SATB1: variants seen among roughly 807,000 people sequenced by gnomAD.
SATB1 encodes the protein DNA-binding protein SATB1.
In SATB1, 11 loss-of-function variants were observed where a neutral mutation model predicts 86.9. The observed-to-expected ratio is 0.13, with a 90% CI of 0.08 to 0.21. The LOEUF (loss-of-function observed/expected upper bound fraction) is 0.21, where lower values mean the gene tolerates loss of function less well. SATB1 is among the 10% of genes least tolerant of loss of function. The probability of loss-of-function intolerance (pLI) is 1.00; values close to 1 mark genes in which losing one functional copy is unlikely to be tolerated. For synonymous variants in SATB1, 357 were observed against 357.2 expected (o/e 1.00, Z 0.01); for missense variants, 551 against 937.6 (o/e 0.59, Z 5.39).
At chr3:18,362,873 A>ACAAAC (rs1694981125) in intron 9 of SATB1, among the ~76,000 whole-genome samples, 1 of 147,074 alleles carries the variant, frequency 6.8e-6, no homozygotes, top group African/African-American at 2.5e-5. Context: ...AAAAAAAAAA[A>ACAAAC]AAAAAAAACC....
Position 18,397,228 on chromosome 3 carries a change from T to C in SATB1, c.702A>G (p.Gln234=), listed in dbSNP as rs753463860. ...YYANVSAAKC[Q]EFGRWYKHFK... ...AATGTTTGTACCACCTTCCAAATTC[T>C]TGACATTTTGCTGCTGAGACATTTG... Residue 234 remains glutamine, a synonymous_variant, in exon 6 of 11, where the codon CAA becomes CAG. Transcript: ENST00000338745. 6.2e-7 allele frequency: 1 copy of C among 1,613,142 alleles called. No individual in the cohort carries two copies. The highest frequency in any genetic ancestry group is 1.1e-5 in the South Asian group (1 of 91,062).
intron 2 of SATB1, among the ~76,000 whole-genome samples, chr3:18,418,315 C>T (rs917654788): frequency 6.6e-6 from 1 of 152,114 alleles, no homozygotes; most frequent in Admixed American, 6.6e-5. Context: ...TTCAAAGATT[C>T]TCTATTTGCT....
intron 7 of SATB1, among the ~76,000 whole-genome samples, chr3:18,391,082 T>C (rs544097636): frequency 6.6e-6 from 1 of 152,118 alleles, no homozygotes; most frequent in South Asian, 2.1e-4. Flanking sequence ...CAAGTAACTA[T>C]ATAAGTTTAC....
At chr3:18,364,894 G>A (rs1453322161) in intron 9 of SATB1, among the ~76,000 whole-genome samples, 1 of 151,690 alleles carries the variant, frequency 6.6e-6, no homozygotes, top group Non-Finnish European at 1.5e-5. Flanking sequence ...ATGGGTTAGA[G>A]AAAAACAGTC....
chr3:18,413,533 T>C (rs1477686731), intron 5 of SATB1, among the ~76,000 whole-genome samples: 1 of 152,126 alleles, frequency 6.6e-6, no homozygotes, highest in South Asian at 2.1e-4. Context: ...TTAGCAACCA[T>C]GTAACATGTT....
chr3:18,395,263 T>C (rs953695667), intron 6 of SATB1, among the ~76,000 whole-genome samples: 3 of 152,214 alleles, frequency 2.0e-5, no homozygotes, highest in South Asian at 4.1e-4. Flanking sequence ...AAATGGCTTC[T>C]AAAAGAATGT....
At position 18,443,784 on chromosome 3, in the gene SATB1, C is replaced by T. The variant is rs1228886931; in HGVS notation, c.-25+1734G>A. Among the ~76,000 whole-genome samples, 4 of 152,150 alleles carry T rather than the reference C, an allele frequency of 2.6e-5. No individual in the cohort carries two copies. Among genetic ancestry groups the T allele is most frequent in the Admixed American group, 6.5e-5 (1 of 15,280 alleles). On this transcript the variant is annotated intron_variant, in intron 1 of 3. Transcript: ENST00000415069. This position sits in a 1 kb window ranked among gnomAD's most constrained non-coding sequence, Gnocchi z 4.4. ...GGGTCTGGACAGCAGGAGGGAAACA[C>T]GGTGTGGACTGCGAGGCTGCACCTG...
intron 9 of SATB1, among the ~76,000 whole-genome samples, chr3:18,361,767 AG>A (rs1367114268): frequency 6.6e-6 from 1 of 152,212 alleles, no homozygotes; most frequent in Non-Finnish European, 1.5e-5. Context: ...TATTTGTACT[AG>A]CAAAAGTTGA....
intron 9 of SATB1, among the ~76,000 whole-genome samples, chr3:18,368,730 T>C (rs770780235): frequency 5.9e-5 from 9 of 151,448 alleles, no homozygotes; most frequent in South Asian, 2.1e-4. Context: ...AGAAAAAGAG[T>C]GTATTTTATT....
At chr3:18,387,554 C>G (rs756957765) in intron 7 of SATB1, among the ~76,000 whole-genome samples, 1 of 152,096 alleles carries the variant, frequency 6.6e-6, no homozygotes, top group African/African-American at 2.4e-5. Flanking sequence ...TGGTTCTCCC[C>G]ATTGCATTTA....
chr3:18,410,782 T>A (rs183350882), intron 5 of SATB1: 1 of 314,516 alleles, frequency 3.2e-6, no homozygotes, highest in Non-Finnish European at 5.7e-6. Context: ...AAGAAACATG[T>A]CATTCCAGTC....
intron 1 of SATB1, among the ~76,000 whole-genome samples, chr3:18,422,228 A>C (rs1027485355): frequency 6.6e-6 from 1 of 152,184 alleles, no homozygotes; most frequent in Non-Finnish European, 1.5e-5. Flanking sequence ...TTTTTGTTGT[A>C]AATTCTTACA....
upstream of SATB1, among the ~76,000 whole-genome samples, chr3:18,428,826 T>C (rs1221371267): frequency 6.6e-6 from 1 of 152,208 alleles, no homozygotes; most frequent in Non-Finnish European, 1.5e-5. Context: ...AAGATAAATA[T>C]GCAGGCAGAT....
At chr3:18,369,860 G>A (rs576191731) in intron 9 of SATB1, among the ~76,000 whole-genome samples, 1 of 152,170 alleles carries the variant, frequency 6.6e-6, no homozygotes, top group Non-Finnish European at 1.5e-5. Context: ...ATGCAGAATG[G>A]TAATTATGAC....
chr3:18,347,884 G>A lies in SATB1; in HGVS notation c.*1286C>T, dbSNP rs942999459. 3.3e-5 allele frequency: 5 copies of A among 152,288 alleles called. No homozygotes were observed. Among genetic ancestry groups the A allele is most frequent in the African/African-American group, 1.2e-4 (5 of 41,412 alleles). The allele number at this position is 152,288 out of a possible 1,614,324, so 9.4% of individuals were successfully genotyped here. On this transcript the variant is annotated 3_prime_UTR_variant, in exon 11 of 11. Transcript: ENST00000338745. ...GTTATTAACATGCACCTAAATGAGAGGGCCATCCTTTGACTCCTTTAGTTA... is the reference window on the plus strand; with the variant it reads ...GTTATTAACATGCACCTAAATGAGAAGGCCATCCTTTGACTCCTTTAGTTA...
intron 1 of SATB1, chr3:18,445,280 C>G (rs1699361945): frequency 6.1e-6 from 6 of 984,090 alleles, no homozygotes; most frequent in Non-Finnish European, 4.8e-6. Flanking sequence ...CGAGCCGAGC[C>G]GAGCCCGAGC....
upstream of SATB1, among the ~76,000 whole-genome samples, chr3:18,429,984 T>G (rs141569492): frequency 1.8e-3 from 275 of 152,252 alleles, 3 homozygotes; most frequent in South Asian, 0.017. This position sits in a 1 kb window ranked among gnomAD's most constrained non-coding sequence, Gnocchi z 4.1. Flanking sequence ...CAAATTGCAT[T>G]GACAGTTTTT....
rs1052831336 is a variant in SATB1 at position 18,386,794 on chromosome 3, T to G, written c.1207-183A>C. 2.6e-5 allele frequency among the ~76,000 whole-genome samples: 4 copies of G among 152,242 alleles called. No individual in the cohort carries two copies. Among genetic ancestry groups the G allele is most frequent in the Admixed American group, 2.0e-4 (3 of 15,284 alleles). On this transcript the variant is annotated intron_variant, in intron 7 of 10. Coordinates refer to ENST00000338745, the MANE Select transcript of SATB1 (RefSeq NM_002971.6). The surrounding 1 kb of genome is among the most constrained non-coding windows in gnomAD (Gnocchi z 4.5). ...GAGAGCCTCAATTGTATTCTTAATT[T>G]TATTAAGCATCTGCTTTACATATAA... is the stretch of plus-strand genomic sequence containing the variant.
intron 9 of SATB1, among the ~76,000 whole-genome samples, chr3:18,367,580 G>C (rs562119313): frequency 1.3e-5 from 2 of 152,026 alleles, no homozygotes; most frequent in African/African-American, 2.4e-5. Flanking sequence ...GACCTGGAAG[G>C]GTCCATAAAT....
Sources: allele counts gnomAD v4.1 joint callset (sites outside exome capture counted in the v4.1 genomes callset), GRCh38; gene constraint gnomAD v4.1.1; non-coding constraint Gnocchi (gnomAD v3.1); transcripts MANE v1.5; gene names NCBI Gene and HGNC (gene_info 2026-07-23, HGNC 2026-07-21).